Variants in PDS5A observed in about 807,000 individuals in gnomAD.
PDS5A encodes the protein PDS5 cohesin associated factor A.
PDS5A carries 42 observed loss-of-function variants against 167.1 expected under a neutral mutation model. The ratio of observed to expected loss-of-function variants is 0.25; its 90% confidence interval spans 0.20 to 0.33. The LOEUF (loss-of-function observed/expected upper bound fraction) is 0.33. Among genes scored for constraint, PDS5A ranks in the 10% least tolerant of loss-of-function variants. The pLI, the probability that PDS5A is intolerant of heterozygous loss-of-function variation, is 1.00. For synonymous variants in PDS5A, 553 were observed against 554.6 expected, an observed-to-expected ratio of 1.00 and a Z score of 0.04; for missense variants, 1,033 against 1,605.9, an observed-to-expected ratio of 0.64 and a Z score of 6.10.
chr4:39,950,990 A>T (rs1291227371), intron 2 of PDS5A, among the ~76,000 whole-genome samples: 1 of 151,528 alleles, frequency 6.6e-6, no homozygotes, highest in Non-Finnish European at 1.5e-5. Context: ...TGCAGCCTTG[A>T]CCTCCTGGGC....
chr4:39,973,966 A>G, intron 2 of PDS5A: 1 of 504,426 alleles, frequency 2.0e-6, no homozygotes, highest in Non-Finnish European at 3.7e-6. Context: ...CTACTAAAAA[A>G]ATACAAAAAA....
At chr4:39,930,246 A>AAAAAAAAAAAAAATTTTTTTTTT in intron 2 of PDS5A, among the ~76,000 whole-genome samples, 8 of 93,084 alleles carry the variant, frequency 8.6e-5, no homozygotes, top group Non-Finnish European at 1.6e-4. Flanking sequence ...AAAAAAAAAA[A>AAAAAAAAAAAAAATTTTTTTTTT]GTTTTTTTGT....
intron 16 of PDS5A, among the ~76,000 whole-genome samples, chr4:39,897,051 T>G (rs1000809987): frequency 6.6e-6 from 1 of 152,128 alleles, no homozygotes; most frequent in Non-Finnish European, 1.5e-5. Flanking sequence ...ATACATGTGG[T>G]CTTATCTTTG....
At chr4:39,831,279 T>C (rs1231305971) in intron 32 of PDS5A, among the ~76,000 whole-genome samples, 2 of 152,140 alleles carry the variant, frequency 1.3e-5, no homozygotes, top group Non-Finnish European at 2.9e-5. Flanking sequence ...TTTTGTATTT[T>C]TATTATAGAT....
At chr4:39,919,987 C>A (rs187102378) in intron 7 of PDS5A, among the ~76,000 whole-genome samples, 1 of 146,310 alleles carries the variant, frequency 6.8e-6, no homozygotes, top group South Asian at 2.2e-4. Context: ...GAAGAATGAC[C>A]CAAAAGAAAC....
At chr4:39,878,338 G>A (rs929051530) in intron 18 of PDS5A, among the ~76,000 whole-genome samples, 10 of 152,170 alleles carry the variant, frequency 6.6e-5, no homozygotes, top group African/African-American at 2.4e-4. Flanking sequence ...GCTCACGTCT[G>A]TAATCCCAGC....
chr4:39,846,846 C>T (rs923313536), intron 28 of PDS5A: 7 of 152,116 alleles, frequency 4.6e-5, no homozygotes, highest in African/African-American at 1.7e-4. Context: ...GTGAGGAAAT[C>T]ACAGTTTTGT....
At chr4:39,915,351 T>C (rs908353021) in intron 8 of PDS5A, among the ~76,000 whole-genome samples, 1 of 146,382 alleles carries the variant, frequency 6.8e-6, no homozygotes, top group Non-Finnish European at 1.5e-5. Context: ...TGATTTTTTT[T>C]TTTTTTTTTT....
At chr4:39,955,741 T>G (rs1247338594) in intron 2 of PDS5A, among the ~76,000 whole-genome samples, 1 of 151,202 alleles carries the variant, frequency 6.6e-6, no homozygotes, top group African/African-American at 2.4e-5. Flanking sequence ...GTCCAGGGGG[T>G]TTGTTGGGAA....
chr4:39,900,595 A>G, intron 13 of PDS5A, 88 bp from the exon 14 acceptor site: 1 of 791,048 alleles, frequency 1.3e-6, no homozygotes, highest in Non-Finnish European at 2.2e-6. Context: ...CATGCTGTAT[A>G]TACACCATTC....
At chr4:39,927,462 T>A (rs563667424) in intron 3 of PDS5A, among the ~76,000 whole-genome samples, 1 of 152,252 alleles carries the variant, frequency 6.6e-6, no homozygotes, top group East Asian at 1.9e-4. Flanking sequence ...AGGATTAAAA[T>A]TTGCCAAGAA....
Position 39,943,156 on chromosome 4 carries a change from ACACACACACACACG to A in PDS5A, c.139-15006_139-14993del, listed in dbSNP as rs1215179748. 3.0e-3 allele frequency among the ~76,000 whole-genome samples: 442 copies of A among 149,516 alleles called. 1 individual carries two copies. The highest frequency in any genetic ancestry group is 2.9e-3 in the Non-Finnish European group (194 of 67,260). The stretch of plus-strand genomic sequence containing the variant: ...CACACACACACACACACACACACAC[ACACACACACACACG>A]CACGCACACATATATACATATATCT... On this transcript the variant is annotated intron_variant, in intron 2 of 32. Coordinates refer to ENST00000303538, the MANE Select transcript of PDS5A (RefSeq NM_001100399.2).
chr4:39,962,069 T>A (rs1308671678), intron 2 of PDS5A, among the ~76,000 whole-genome samples: 2 of 152,110 alleles, frequency 1.3e-5, no homozygotes, highest in Admixed American at 1.3e-4. Context: ...TTTTGTTTTT[T>A]TTTTTTGAGA....
chr4:39,970,049 A>G (rs1371844176), intron 2 of PDS5A, among the ~76,000 whole-genome samples: 1 of 151,220 alleles, frequency 6.6e-6, no homozygotes, highest in Non-Finnish European at 1.5e-5. Context: ...AAAGGGTTTC[A>G]CTATGTTGGT....
chr4:39,853,867 G>T (rs753735872), intron 26 of PDS5A, among the ~76,000 whole-genome samples: 3 of 152,218 alleles, frequency 2.0e-5, no homozygotes, highest in Non-Finnish European at 4.4e-5. Context: ...CCCTGCCAAG[G>T]TTATCAGTGA....
intron 2 of PDS5A, among the ~76,000 whole-genome samples, chr4:39,951,945 A>G (rs1028481972): frequency 5.3e-5 from 8 of 150,656 alleles, no homozygotes; most frequent in African/African-American, 1.7e-4. Context: ...ACTACTGGTG[A>G]TGACAACACT....
At chr4:39,934,732 ATGAT>A (rs1212894814) in intron 2 of PDS5A, among the ~76,000 whole-genome samples, 1 of 151,620 alleles carries the variant, frequency 6.6e-6, no homozygotes, top group African/African-American at 2.4e-5. Context: ...ACTATTAATA[ATGAT>A]TAACATTTAC....
At chr4:39,885,780 A>G (rs1160472914) in intron 17 of PDS5A, among the ~76,000 whole-genome samples, 1 of 150,906 alleles carries the variant, frequency 6.6e-6, no homozygotes, top group Non-Finnish European at 1.5e-5. Context: ...AACAAAAAAC[A>G]AACAAAAAAA....
At position 39,838,345 on chromosome 4, in the gene PDS5A, G is replaced by A. The variant is rs547504540; in HGVS notation, c.3658-137C>T. 3 of 644,948 alleles carry A rather than the reference G, an allele frequency of 4.7e-6. No homozygotes were observed. In the African/African-American group the frequency reaches 5.5e-5, roughly 12 times the overall value. 40.0% of individuals were successfully genotyped at this position (644,948 alleles called of 1,614,324 possible). On this transcript the variant is annotated intron_variant, in intron 31 of 32. Transcript: ENST00000303538. ...CAGTTAACTGCTTACATCACATTAG[G>A]AAAGTAAGCTCCTTGAGGAGAGTGA...
Sources: allele counts gnomAD v4.1 joint callset (sites outside exome capture counted in the v4.1 genomes callset), GRCh38; gene constraint gnomAD v4.1.1; transcripts MANE v1.5; gene names NCBI Gene and HGNC (gene_info 2026-07-23, HGNC 2026-07-21).